Variants in RSU1 observed in about 807,000 individuals in gnomAD.
RSU1 encodes the protein Ras suppressor protein 1.
A neutral mutation model predicts 31.1 loss-of-function variants in RSU1; 26 were observed. The observed-to-expected ratio is 0.84, with a 90% CI of 0.61 to 1.16. The LOEUF is 1.16. Among genes scored for constraint, RSU1 ranks in the 50% most tolerant of loss-of-function variants. The pLI is 0.00. For synonymous variants in RSU1, 164 were observed against 136.3 expected, an observed-to-expected ratio of 1.20 and a Z score of -1.41; for missense variants, 320 against 339.1, an observed-to-expected ratio of 0.94 and a Z score of 0.44.
intron 8 of RSU1, among the ~76,000 whole-genome samples, chr10:16,692,724 T>C (rs12247554): frequency 0.34 from 51,678 of 152,078 alleles, 9,519 homozygotes; most frequent in African/African-American, 0.47. Flanking sequence ...GTGAGCTACA[T>C]TCGTATTTTT....
At chr10:16,792,938 C>T (rs1354854679) in intron 2 of RSU1, among the ~76,000 whole-genome samples, 1 of 152,232 alleles carries the variant, frequency 6.6e-6, no homozygotes, top group Non-Finnish European at 1.5e-5. Flanking sequence ...CGTGATGCTG[C>T]TTAAAACGCC....
rs67816326 is a variant in RSU1, at chr10:16,697,987, CTTTTTTTTTTTTTTTT to C, written c.599-2848_599-2833del. Among the ~76,000 whole-genome samples the C allele has an allele frequency of 8.9e-3, 883 of 99,596 alleles. 6 individuals are homozygous for C. The highest frequency in any genetic ancestry group is 0.012 in the Non-Finnish European group (655 of 55,084). 65.3% of individuals were successfully genotyped at this position (99,596 alleles called of 152,430 possible). On this transcript the variant is annotated intron_variant, in intron 7 of 8. Transcript: ENST00000345264. ...CAGAGGGGTGATTGCAGGAACACAC[CTTTTTTTTTTTTTTTT>C]TTTTTTTTTTTTTTTTACTTTGGGA...
At chr10:16,678,320 T>C (rs1835269558) in intron 8 of RSU1, among the ~76,000 whole-genome samples, 1 of 152,232 alleles carries the variant, frequency 6.6e-6, no homozygotes, top group Non-Finnish European at 1.5e-5. Flanking sequence ...AAGCCTAATG[T>C]TATCTGACAG....
At chr10:16,749,911 A>G (rs1166968621) in intron 7 of RSU1, among the ~76,000 whole-genome samples, 3 of 152,138 alleles carry the variant, frequency 2.0e-5, no homozygotes, top group Non-Finnish European at 4.4e-5. Context: ...TATGGGTGGG[A>G]AAAAGGACCT....
At chr10:16,806,020 G>A (rs1183441849) in intron 2 of RSU1, among the ~76,000 whole-genome samples, 4 of 152,198 alleles carry the variant, frequency 2.6e-5, no homozygotes, top group African/African-American at 9.7e-5. Flanking sequence ...CCAACCTACT[G>A]ATAATGTTTC....
intron 8 of RSU1, among the ~76,000 whole-genome samples, chr10:16,682,535 T>TACACACAC (rs68128821): frequency 7.5e-4 from 20 of 26,508 alleles, no homozygotes; most frequent in African/African-American, 2.4e-3. Flanking sequence ...AAATCATTCA[T>TACACACAC]ACACACACAC....
intron 7 of RSU1, among the ~76,000 whole-genome samples, chr10:16,712,024 A>C (rs1836030977): frequency 6.6e-6 from 1 of 152,166 alleles, no homozygotes; most frequent in Non-Finnish European, 1.5e-5. Context: ...TTCAGGGTTG[A>C]GTGCATATGT....
intron 8 of RSU1, among the ~76,000 whole-genome samples, chr10:16,638,592 G>A (rs1213868062): frequency 6.6e-6 from 1 of 152,218 alleles, no homozygotes; most frequent in East Asian, 1.9e-4. Flanking sequence ...CGTTTTGGAT[G>A]AGATGAGACT....
chr10:16,754,638 C>T (rs1370489553), intron 5 of RSU1, among the ~76,000 whole-genome samples: 2 of 150,210 alleles, frequency 1.3e-5, no homozygotes, highest in Admixed American at 1.3e-4. Context: ...TATAATCTCT[C>T]TCAGAATGTT....
At chr10:16,808,632 G>T (rs1838332339) in intron 2 of RSU1, among the ~76,000 whole-genome samples, 2 of 152,234 alleles carry the variant, frequency 1.3e-5, no homozygotes, top group East Asian at 3.9e-4. Context: ...TGTTATGAGT[G>T]TGAGAAGCAC....
chr10:16,596,813 CCCGAGTT>C (rs1833622141), intron 8 of RSU1, among the ~76,000 whole-genome samples: 1 of 152,204 alleles, frequency 6.6e-6, no homozygotes, highest in Admixed American at 6.5e-5. Context: ...GCTTCTGCCT[CCCGAGTT>C]CAAGTGATTC....
intron 8 of RSU1, among the ~76,000 whole-genome samples, chr10:16,659,668 T>C (rs939825157): frequency 6.6e-6 from 1 of 152,234 alleles, no homozygotes; most frequent in African/African-American, 2.4e-5. Context: ...CAGACCTTAA[T>C]GTCTCTAAGG....
intron 7 of RSU1, among the ~76,000 whole-genome samples, chr10:16,712,004 A>G (rs1379440743): frequency 6.6e-6 from 1 of 152,144 alleles, no homozygotes; most frequent in Non-Finnish European, 1.5e-5. Context: ...TGTTTTGTAC[A>G]TCTGTATGTT....
chr10:16,809,191 C>G (rs1276261289), intron 2 of RSU1, among the ~76,000 whole-genome samples: 3 of 152,198 alleles, frequency 2.0e-5, no homozygotes, highest in Non-Finnish European at 2.9e-5. Context: ...CTGATGGAAT[C>G]TGCTCAATGG....
chr10:16,728,821 G>A (rs941988830), intron 7 of RSU1, among the ~76,000 whole-genome samples: 2 of 152,194 alleles, frequency 1.3e-5, no homozygotes, highest in Non-Finnish European at 2.9e-5. Flanking sequence ...TGAGGATGAA[G>A]GAAGGGGCTG....
intron 8 of RSU1, among the ~76,000 whole-genome samples, chr10:16,648,091 G>C (rs1454406047): frequency 6.7e-6 from 1 of 149,298 alleles, no homozygotes; most frequent in African/African-American, 2.5e-5. Flanking sequence ...TGAGACTACA[G>C]TCATGAGCCA....
chr10:16,752,973 T>C lies in RSU1; in HGVS notation c.428A>G (p.Asp143Gly). ...TGGCGGCAGGATTTCAAAATCGTTG[T>C]CACTTAGATAGAGTGCACGCAGGGT... ...LTTLRALYLS[D>G]NDFEILPPDI... The change falls in exon 6 of 9, where the codon GAC (aspartate) becomes GGC (glycine). Residue 143 changes from aspartate (D) to glycine (G), a missense_variant. Transcript: ENST00000345264. 1.9e-6 allele frequency: 3 copies of C among 1,613,964 alleles called. No individual in the cohort carries two copies. Among genetic ancestry groups the C allele is most frequent in the Non-Finnish European group, 2.5e-6 (3 of 1,179,860 alleles).
rs1301937245 is a variant in RSU1, at chr10:16,691,738, T to C, written c.731+3285A>G. 1.4e-4 allele frequency among the ~76,000 whole-genome samples: 21 copies of C among 147,760 alleles called. No individual in the cohort carries two copies. In the South Asian group the frequency reaches 1.9e-3, roughly 14 times the overall value. ...CTGCTGCTTCTTTTTTTTTTTTTTTTTTTTTTTTTTGTTTGAAACACAGTT... is the reference window on the plus strand; with the variant it reads ...CTGCTGCTTCTTTTTTTTTTTTTTTCTTTTTTTTTTGTTTGAAACACAGTT... On this transcript the variant is annotated intron_variant, in intron 8 of 8. Transcript: ENST00000345264.
chr10:16,647,957 G>A (rs1226713432), intron 8 of RSU1, among the ~76,000 whole-genome samples: 1 of 151,668 alleles, frequency 6.6e-6, no homozygotes, highest in African/African-American at 2.4e-5. Context: ...TCTTTTTCTT[G>A]TTTTTCTTTG....
Sources: gnomAD v4.1 joint callset for allele counts (sites outside exome capture counted in the v4.1 genomes callset) on GRCh38, gnomAD v4.1.1 for gene constraint, MANE v1.5 for transcripts, NCBI Gene and HGNC (gene_info 2026-07-23, HGNC 2026-07-21) for gene names.